OVOL2: variants seen among roughly 807,000 people sequenced by gnomAD.
OVOL2 encodes transcription factor Ovo-like 2.
A neutral mutation model predicts 18.1 loss-of-function variants in OVOL2; 13 were observed. That is an observed-to-expected ratio of 0.72 (90% confidence interval 0.47 to 1.14). The LOEUF (loss-of-function observed/expected upper bound fraction) is 1.14, where lower values mean the gene tolerates loss of function less well. OVOL2 is among the 50% of genes most tolerant of loss of function. The probability of loss-of-function intolerance (pLI) is 0.00; values close to 1 mark genes in which losing one functional copy is unlikely to be tolerated. For missense variants in OVOL2, 335 were observed against 383.0 expected (o/e 0.87, Z 1.05); for synonymous variants, 166 against 162.7 (o/e 1.02, Z -0.16).
At chr20:18,028,802 CATAA>C (rs1225564040) in intron 3 of OVOL2, among the ~76,000 whole-genome samples, 3 of 151,726 alleles carry the variant, frequency 2.0e-5, no homozygotes, top group Admixed American at 6.6e-5. Context: ...CAAATAAATA[CATAA>C]ATAAATAAAC....
chr20:18,031,619 A>C (rs1449533707), intron 3 of OVOL2, among the ~76,000 whole-genome samples: 1 of 152,332 alleles, frequency 6.6e-6, no homozygotes, highest in East Asian at 1.9e-4. Flanking sequence ...TGCTGGGTAC[A>C]TGAGTATTTC....
At chr20:18,044,624 T>C (rs1407615628) in intron 2 of OVOL2, among the ~76,000 whole-genome samples, 1 of 152,086 alleles carries the variant, frequency 6.6e-6, no homozygotes, top group East Asian at 1.9e-4. Context: ...GCAATACAGT[T>C]AGAGATGGCT....
intron 3 of OVOL2, among the ~76,000 whole-genome samples, chr20:18,036,425 C>T (rs1332397221): frequency 1.3e-5 from 2 of 152,174 alleles, no homozygotes; most frequent in Non-Finnish European, 2.9e-5. Flanking sequence ...GACTCAGGAG[C>T]CACACACAGC....
At chr20:18,042,379 G>A (rs1272867756) in intron 2 of OVOL2, among the ~76,000 whole-genome samples, 2 of 152,148 alleles carry the variant, frequency 1.3e-5, no homozygotes, top group South Asian at 2.1e-4. Flanking sequence ...GTGGGGCCTC[G>A]TGGGAGGTTA....
intron 3 of OVOL2, among the ~76,000 whole-genome samples, chr20:18,032,872 G>A (rs561579608): frequency 7.9e-5 from 12 of 152,236 alleles, no homozygotes; most frequent in Admixed American, 6.5e-4. Flanking sequence ...ATTAAATGGT[G>A]GAACTGGGGC....
At chr20:18,058,969 G>T (rs1038122410), upstream of OVOL2, 73 of 152,396 alleles carry the variant, frequency 4.8e-4, no homozygotes, top group African/African-American at 1.6e-3. Context: ...TGTCGCTGCG[G>T]TCGCCCTCCT....
intron 3 of OVOL2, among the ~76,000 whole-genome samples, chr20:18,032,891 T>A (rs970988503): frequency 1.1e-4 from 16 of 152,352 alleles, no homozygotes; most frequent in Admixed American, 7.2e-4. Context: ...GCTTGGCATG[T>A]GAAGGGAGTT....
chr20:18,028,940 C>G (rs1170914185), intron 3 of OVOL2, among the ~76,000 whole-genome samples: 1 of 152,144 alleles, frequency 6.6e-6, no homozygotes, highest in African/African-American at 2.4e-5. Flanking sequence ...CCCTTTGTCA[C>G]CCCATGCACC....
chr20:18,056,577 G>A lies in OVOL2; in HGVS notation c.321+80C>T, dbSNP rs1438074836. On this transcript the variant is annotated intron_variant, in intron 2 of 3. Coordinates refer to ENST00000278780, the MANE Select transcript of OVOL2 (RefSeq NM_021220.4). This position sits in a 1 kb window ranked among gnomAD's most constrained non-coding sequence, Gnocchi z 4.2. ...GGTGCCGGGTTGCGCAGGCGGGCGCGGCAGGGAGGGGCGCCGGCCTCGGGA... is the reference window on the plus strand; with the variant it reads ...GGTGCCGGGTTGCGCAGGCGGGCGCAGCAGGGAGGGGCGCCGGCCTCGGGA... The A allele has an allele frequency of 3.9e-6, 5 of 1,269,020 alleles. No individual in the cohort carries two copies. Among genetic ancestry groups the A allele is most frequent in the African/African-American group, 1.6e-5 (1 of 63,618 alleles). The allele number at this position is 1,269,020 out of a possible 1,614,324, so 78.6% of individuals were successfully genotyped here.
intron 3 of OVOL2, among the ~76,000 whole-genome samples, chr20:18,039,393 G>T (rs868542006): frequency 6.6e-6 from 1 of 152,030 alleles, no homozygotes; most frequent in African/African-American, 2.4e-5. Context: ...AGGCCAAGGC[G>T]GGTGGATGGC....
intron 2 of OVOL2, among the ~76,000 whole-genome samples, chr20:18,055,252 A>C (rs1388570759): frequency 6.6e-6 from 1 of 152,172 alleles, no homozygotes; most frequent in African/African-American, 2.4e-5. Context: ...CTCCAGGGGA[A>C]TCTGGGCAAT....
chr20:18,047,344 C>G (rs1409382959), intron 2 of OVOL2, among the ~76,000 whole-genome samples: 1 of 151,384 alleles, frequency 6.6e-6, no homozygotes, highest in African/African-American at 2.4e-5. Context: ...GAAACCCCGT[C>G]TCTACTAAAA....
chr20:18,037,400 G>A (rs2036625734), intron 3 of OVOL2, among the ~76,000 whole-genome samples: 1 of 152,256 alleles, frequency 6.6e-6, no homozygotes, highest in Non-Finnish European at 1.5e-5. Context: ...AATTTGAGAT[G>A]ACAGGATAAA....
intron 2 of OVOL2, among the ~76,000 whole-genome samples, chr20:18,043,398 C>A (rs1389250113): frequency 6.6e-6 from 1 of 152,184 alleles, no homozygotes; most frequent in African/African-American, 2.4e-5. Context: ...CATTTCTTCC[C>A]TCTTATAAGC....
intron 3 of OVOL2, among the ~76,000 whole-genome samples, chr20:18,035,564 C>T (rs2036608555): frequency 6.6e-6 from 1 of 152,236 alleles, no homozygotes; most frequent in Admixed American, 6.5e-5. Context: ...AAAACATCAT[C>T]TGAGAAACCC....
chr20:18,054,347 C>T lies in OVOL2; in HGVS notation c.321+2310G>A, dbSNP rs542009987. ...GTGGGAGCATTTTTACCTCCTGCTG[C>T]CTTGCACACCCCAGGTGTTAGACGG... On this transcript the variant is annotated intron_variant, in intron 2 of 3. Transcript: ENST00000278780. 1.8e-4 allele frequency among the ~76,000 whole-genome samples: 28 copies of T among 152,340 alleles called. No homozygotes were observed. The South Asian group carries it at 5.8e-3, about 32-fold the overall frequency.
At chr20:18,033,639 C>T (rs1018435654) in intron 3 of OVOL2, among the ~76,000 whole-genome samples, 7 of 152,330 alleles carry the variant, frequency 4.6e-5, no homozygotes, top group Non-Finnish European at 5.9e-5. Flanking sequence ...CCTGGCACAT[C>T]GGGCACTTCC....
At chr20:18,054,327 A>G (rs1484617154) in intron 2 of OVOL2, among the ~76,000 whole-genome samples, 2 of 152,204 alleles carry the variant, frequency 1.3e-5, no homozygotes, top group East Asian at 3.8e-4. Context: ...CCAGGGTGGG[A>G]GCATTTTTAC....
intron 2 of OVOL2, among the ~76,000 whole-genome samples, chr20:18,055,834 C>G (rs2036817504): frequency 6.6e-6 from 1 of 152,198 alleles, no homozygotes; most frequent in Non-Finnish European, 1.5e-5. Context: ...GATCATAAAC[C>G]ACCACCTCCT....
Sources: gnomAD v4.1 joint callset for allele counts (sites outside exome capture counted in the v4.1 genomes callset) on GRCh38, gnomAD v4.1.1 for gene constraint, Gnocchi (gnomAD v3.1) non-coding constraint, MANE v1.5 for transcripts, NCBI Gene and HGNC (gene_info 2026-07-23, HGNC 2026-07-21) for gene names.